The following VWA3A variants were observed in gnomAD, a reference collection of about 807,000 sequenced individuals.
VWA3A encodes the protein von Willebrand factor A domain-containing protein 3A.
A neutral mutation model predicts 160.4 loss-of-function variants in VWA3A; 134 were observed. The observed-to-expected ratio is 0.84, with a 90% CI of 0.73 to 0.96. The LOEUF (loss-of-function observed/expected upper bound fraction) is 0.96, where lower values mean the gene tolerates loss of function less well. VWA3A is among the 40% of genes least tolerant of loss of function. The pLI is 0.00. For missense variants in VWA3A, 1,310 were observed against 1,447.9 expected, an observed-to-expected ratio of 0.90 and a Z score of 1.55; for synonymous variants, 476 against 543.4, an observed-to-expected ratio of 0.88 and a Z score of 1.72.
At chr16:22,092,721 T>G in intron 1 of VWA3A, 70 bp downstream of exon 1, 1 of 1,538,080 alleles carries the variant, frequency 6.5e-7, no homozygotes, top group Non-Finnish European at 8.8e-7. Context: ...TACTAAGCTC[T>G]GGACTGAGTG....
chr16:22,138,162 G>T (rs559302905), intron 21 of VWA3A, among the ~76,000 whole-genome samples, 198 bp from the exon 22 acceptor site: 22 of 152,206 alleles, frequency 1.4e-4, no homozygotes, highest in African/African-American at 4.1e-4. Flanking sequence ...TGCCTCCCAG[G>T]CCCCCATACC....
intron 25 of VWA3A, among the ~76,000 whole-genome samples, chr16:22,143,701 G>A (rs569643910): frequency 2.6e-5 from 4 of 151,916 alleles, no homozygotes; most frequent in East Asian, 3.9e-4. Context: ...TGGGAGGTGC[G>A]CGATAGATTT....
rs772294727 is a variant in VWA3A, at chr16:22,150,799, G to A, written c.3234G>A (p.Glu1078=). The A allele has an allele frequency of 3.1e-6, 5 of 1,613,484 alleles. No homozygotes were observed. The East Asian group carries it at 1.1e-4, about 36-fold the overall frequency. ...LVLNEVQKLR[E]KRDVKVHTIS... ...TAAATGAAGTCCAAAAACTCAGGGA[G>A]AAAAGAGATGTGAAAGTGCACACCA... Residue 1078 remains glutamate, a synonymous_variant, in exon 30 of 34, where the codon GAG becomes GAA. Coordinates refer to ENST00000389398, the MANE Select transcript of VWA3A (RefSeq NM_173615.5).
At chr16:22,137,610 T>A (rs1417243629) in intron 21 of VWA3A, among the ~76,000 whole-genome samples, 1 of 152,188 alleles carries the variant, frequency 6.6e-6, no homozygotes, top group Non-Finnish European at 1.5e-5. Flanking sequence ...ATTATAGGAC[T>A]GCCAAACAAG....
At chr16:22,144,591 GGTT>G in intron 26 of VWA3A, among the ~76,000 whole-genome samples, 1 of 151,988 alleles carries the variant, frequency 6.6e-6, no homozygotes, top group Non-Finnish European at 1.5e-5. Flanking sequence ...CCCATTCCAG[GGTT>G]AGATGAGCTC....
At chr16:22,103,417 G>A (rs1423515739) in intron 5 of VWA3A, 58 bp from the exon 6 acceptor site, 12 of 1,465,674 alleles carry the variant, frequency 8.2e-6, no homozygotes, top group Non-Finnish European at 1.1e-5. Context: ...TATGTAAGTG[G>A]CTGTTGCTCA....
In VWA3A at chr16:22,148,265, G is replaced by A. The variant is rs764670196; in HGVS notation, c.2943G>A (p.Leu981=). ...ACCTGCAGCAGGTGAAGACAGAGCT[G>A]GTTTTGCTGATTTGGGAACAGCTGC... ...GPYLQQVKTE[L]VLLIWEQLRK... The change falls in exon 28 of 34, where the codon CTG becomes CTA. Residue 981 remains leucine, a synonymous_variant. Transcript: ENST00000389398. 2.5e-6 allele frequency: 4 copies of A among 1,597,732 alleles called. No homozygotes were observed. The highest frequency in any genetic ancestry group is 1.3e-5 in the African/African-American group (1 of 74,598).
chr16:22,134,544 C>T (rs1389140160), intron 21 of VWA3A, 106 bp downstream of exon 21: 3 of 942,012 alleles, frequency 3.2e-6, no homozygotes, highest in Non-Finnish European at 4.7e-6. Flanking sequence ...ACCATTGATT[C>T]TCTCACTTCC....
chr16:22,115,586 C>A (rs1454056362), intron 9 of VWA3A, 114 bp downstream of exon 9: 5 of 1,220,956 alleles, frequency 4.1e-6, no homozygotes, highest in African/African-American at 1.6e-5. Context: ...AATCCCAGCA[C>A]TTTGGGAGGC....
chr16:22,112,807 C>T (rs1282186131), intron 8 of VWA3A, among the ~76,000 whole-genome samples: 1 of 152,220 alleles, frequency 6.6e-6, no homozygotes, highest in Non-Finnish European at 1.5e-5. Flanking sequence ...TAAAGAGGGG[C>T]CCTTCCAGAT....
chr16:22,108,713 C>T (rs949224231), intron 6 of VWA3A, among the ~76,000 whole-genome samples: 5 of 152,150 alleles, frequency 3.3e-5, no homozygotes, highest in Admixed American at 1.3e-4. Context: ...CTATCAATTT[C>T]ATGTGAATGA....
In VWA3A at chr16:22,100,795, C is replaced by T. The variant is rs1337856034; in HGVS notation, c.428+302C>T. Among the ~76,000 whole-genome samples the T allele has an allele frequency of 2.7e-5, 4 of 148,870 alleles. No homozygotes were observed. The East Asian group carries it at 5.9e-4, about 22-fold the overall frequency. On this transcript the variant is annotated intron_variant, in intron 5 of 33. Coordinates refer to ENST00000389398, the MANE Select transcript of VWA3A (RefSeq NM_173615.5). ...GGTGGAGGTTCCAGTGAGCTAAGAA[C>T]ACACCATTGCACTCCAGCCTGGGCA...
intron 1 of VWA3A, among the ~76,000 whole-genome samples, chr16:22,095,255 T>C (rs1287384606): frequency 2.6e-5 from 4 of 152,150 alleles, no homozygotes; most frequent in Non-Finnish European, 5.9e-5. Context: ...AGCTGAAATG[T>C]CAAGATGATT....
At chr16:22,121,172 A>T in intron 13 of VWA3A, 69 bp downstream of exon 13, 1 of 1,602,928 alleles carries the variant, frequency 6.2e-7, no homozygotes, top group South Asian at 1.1e-5. Context: ...CCGGCCGGGC[A>T]CAGTGGCTCA....
chr16:22,116,379 AAG>A (rs762745193), intron 9 of VWA3A: 171 of 447,922 alleles, frequency 3.8e-4, no homozygotes, highest in African/African-American at 2.1e-3. Context: ...AGAGAGAAAA[AAG>A]AGGAAGGAAA....
rs142108057 is a variant in VWA3A at position 22,145,358 on chromosome 16, G to T, written c.2731-878G>T. Among the ~76,000 whole-genome samples the T allele has an allele frequency of 9.8e-3, 1,489 of 152,132 alleles. 28 individuals are homozygous for T. Among genetic ancestry groups the T allele is most frequent in the African/African-American group, 0.034 (1,430 of 41,478 alleles). ...CTATTTTAAAATTTAGAGATTATTG[G>T]CCAGACGCAGTGGCTCATGCCTGTA... On this transcript the variant is annotated intron_variant, in intron 26 of 33. Coordinates refer to ENST00000389398, the MANE Select transcript of VWA3A (RefSeq NM_173615.5).
intron 27 of VWA3A, chr16:22,147,610 T>C (rs1373928246): frequency 4.3e-6 from 3 of 703,284 alleles, no homozygotes; most frequent in South Asian, 3.0e-5. Flanking sequence ...AGACAGTCCA[T>C]GGACAGGGGC....
intron 17 of VWA3A, among the ~76,000 whole-genome samples, 176 bp from the exon 18 acceptor site, chr16:22,131,029 G>A (rs1329124970): frequency 6.6e-6 from 1 of 152,202 alleles, no homozygotes; most frequent in Non-Finnish European, 1.5e-5. Flanking sequence ...GCTGAAGTAT[G>A]TTGGGACATA....
intron 12 of VWA3A, among the ~76,000 whole-genome samples, chr16:22,119,568 G>C (rs899966838): frequency 6.6e-6 from 1 of 152,234 alleles, no homozygotes; most frequent in Non-Finnish European, 1.5e-5. Flanking sequence ...CTACTCAGGA[G>C]GCTGAGGTGG....
Sources: gnomAD v4.1 joint callset for allele counts (sites outside exome capture counted in the v4.1 genomes callset) on GRCh38, gnomAD v4.1.1 for gene constraint, MANE v1.5 for transcripts, NCBI Gene and HGNC (gene_info 2026-07-23, HGNC 2026-07-21) for gene names.